Variants in GRID2 observed in about 807,000 individuals in gnomAD.
GRID2 encodes the protein glutamate ionotropic receptor delta type subunit 2.
GRID2 carries 33 observed loss-of-function variants against 114.8 expected under a neutral mutation model. The observed-to-expected ratio is 0.29, with a 90% CI of 0.22 to 0.38. The LOEUF (loss-of-function observed/expected upper bound fraction) is 0.38, where lower values mean the gene tolerates loss of function less well. Among genes scored for constraint, GRID2 ranks in the 10% least tolerant of loss-of-function variants. GRID2 has a pLI of 1.00. For synonymous variants in GRID2, 505 were observed against 449.9 expected (o/e 1.12, Z -1.55); for missense variants, 1,184 against 1,257.7 (o/e 0.94, Z 0.89).
chr4:92,578,725 T>TATCA (rs80304481), intron 1 of GRID2, among the ~76,000 whole-genome samples: 3 of 149,626 alleles, frequency 2.0e-5, no homozygotes, highest in Non-Finnish European at 3.0e-5. Context: ...ATTATCTATC[T>TATCA]ATCTATCAAT....
At chr4:93,599,049 C>G (rs1311910460) in intron 13 of GRID2, among the ~76,000 whole-genome samples, 1 of 152,118 alleles carries the variant, frequency 6.6e-6, no homozygotes, top group Non-Finnish European at 1.5e-5. Flanking sequence ...CTGAATTAAA[C>G]ATTGCCACAA....
At chr4:92,934,663 C>T (rs1248831418) in intron 2 of GRID2, among the ~76,000 whole-genome samples, 1 of 146,624 alleles carries the variant, frequency 6.8e-6, no homozygotes, top group African/African-American at 2.4e-5. Context: ...GTAACCAAAA[C>T]AGCATGGTAC....
At chr4:93,151,034 C>T (rs553930666) in intron 4 of GRID2, among the ~76,000 whole-genome samples, 5 of 141,416 alleles carry the variant, frequency 3.5e-5, no homozygotes, top group South Asian at 4.4e-4. Flanking sequence ...GAGGCTGAGG[C>T]GGGAGAATGG....
At chr4:93,319,106 C>T (rs936378261) in intron 8 of GRID2, among the ~76,000 whole-genome samples, 1 of 151,982 alleles carries the variant, frequency 6.6e-6, no homozygotes, top group African/African-American at 2.4e-5. Context: ...TGAGCTGGAA[C>T]AAGCTGATTA....
intron 10 of GRID2, among the ~76,000 whole-genome samples, chr4:93,441,500 A>G (rs1374144071): frequency 6.6e-6 from 1 of 151,926 alleles, no homozygotes; most frequent in Non-Finnish European, 1.5e-5. Flanking sequence ...TTTTTTTGCA[A>G]TGGTGAATAC....
chr4:92,791,901 T>C (rs1275559026), intron 2 of GRID2, among the ~76,000 whole-genome samples: 1 of 151,856 alleles, frequency 6.6e-6, no homozygotes, highest in Non-Finnish European at 1.5e-5. Flanking sequence ...AAGAGGTTCT[T>C]TAGTGTAGGG....
chr4:92,749,308 A>G (rs1227939095), intron 2 of GRID2, among the ~76,000 whole-genome samples: 22 of 94,646 alleles, frequency 2.3e-4, no homozygotes, highest in African/African-American at 9.4e-4. Context: ...CTTGATTTGT[A>G]GCTTTTTTTT....
chr4:92,445,782 A>G (rs1404300675), intron 1 of GRID2, among the ~76,000 whole-genome samples: 1 of 152,230 alleles, frequency 6.6e-6, no homozygotes, highest in Non-Finnish European at 1.5e-5. Flanking sequence ...TATTTATTGA[A>G]TAATCTTACC....
chr4:93,437,883 A>G (rs1417799761), intron 10 of GRID2, among the ~76,000 whole-genome samples: 1 of 152,082 alleles, frequency 6.6e-6, no homozygotes, highest in Non-Finnish European at 1.5e-5. Context: ...ACTTCTTTTC[A>G]AATTACCTTT....
intron 8 of GRID2, among the ~76,000 whole-genome samples, chr4:93,364,398 T>C (rs1159040077): frequency 6.6e-6 from 1 of 152,176 alleles, no homozygotes; most frequent in African/African-American, 2.4e-5. Flanking sequence ...TAGAAAATTT[T>C]TCTTCCATTA....
intron 10 of GRID2, among the ~76,000 whole-genome samples, chr4:93,429,545 T>C (rs915212033): frequency 1.3e-5 from 2 of 152,206 alleles, no homozygotes; most frequent in Non-Finnish European, 2.9e-5. Flanking sequence ...CAGCCTAATT[T>C]TACCTGAGCG....
chr4:93,706,877 G>C (rs1302205205), intron 14 of GRID2, among the ~76,000 whole-genome samples: 1 of 152,000 alleles, frequency 6.6e-6, no homozygotes, highest in Non-Finnish European at 1.5e-5. Flanking sequence ...TTGTATTGAG[G>C]CATGTTCTTT....
intron 2 of GRID2, among the ~76,000 whole-genome samples, chr4:92,826,905 T>A (rs1741744697): frequency 6.6e-6 from 1 of 152,096 alleles, no homozygotes. Flanking sequence ...AGTGTTCTCA[T>A]GGTGTGGCCT....
At chr4:93,193,629 T>G (rs116765149) in intron 4 of GRID2, among the ~76,000 whole-genome samples, 3,665 of 152,310 alleles carry the variant, frequency 0.024, 141 homozygotes, top group African/African-American at 0.083. Context: ...AGTATGTCCT[T>G]AGAGCAGCAT....
downstream of GRID2, among the ~76,000 whole-genome samples, chr4:93,776,922 A>C (rs1183733886): frequency 6.6e-6 from 1 of 152,150 alleles, no homozygotes; most frequent in East Asian, 1.9e-4. Flanking sequence ...TGCAAATCTA[A>C]TGAGTCATGA....
rs879823468 is a variant in GRID2, at chr4:92,486,985, T to C, written c.89-103146T>C. Among the ~76,000 whole-genome samples the C allele has an allele frequency of 4.6e-5, 7 of 152,038 alleles. No individual in the cohort carries two copies. The South Asian group carries it at 1.0e-3, about 22-fold the overall frequency. On this transcript the variant is annotated intron_variant, in intron 1 of 15. Coordinates refer to ENST00000282020, the MANE Select transcript of GRID2 (RefSeq NM_001510.4). Reference sequence around the variant, plus strand: ...ATATAAATTATCAAACATATTGATATACATTTGTTTATGTTCTTCCTCCCT... The same window carrying C: ...ATATAAATTATCAAACATATTGATACACATTTGTTTATGTTCTTCCTCCCT...
At chr4:92,919,799 G>T (rs1164311731) in intron 2 of GRID2, among the ~76,000 whole-genome samples, 1 of 152,134 alleles carries the variant, frequency 6.6e-6, no homozygotes, top group African/African-American at 2.4e-5. Flanking sequence ...GAATAGGTGT[G>T]GTGTGGTGCT....
intron 1 of GRID2, among the ~76,000 whole-genome samples, chr4:92,581,096 A>G (rs1728163460): frequency 6.6e-6 from 1 of 151,730 alleles, no homozygotes; most frequent in South Asian, 2.1e-4. Flanking sequence ...ATCTTCACGG[A>G]TTCAGTAAGA....
chr4:92,407,255 G>A (rs1731075083), intron 1 of GRID2, among the ~76,000 whole-genome samples: 1 of 152,098 alleles, frequency 6.6e-6, no homozygotes, highest in Non-Finnish European at 1.5e-5. Context: ...ATTTGGATGG[G>A]GAGACAGAGC....
Sources: allele counts gnomAD v4.1 joint callset (sites outside exome capture counted in the v4.1 genomes callset), GRCh38; gene constraint gnomAD v4.1.1; transcripts MANE v1.5; gene names NCBI Gene and HGNC (gene_info 2026-07-23, HGNC 2026-07-21).